ST18: variants seen among roughly 807,000 people sequenced by gnomAD.
The protein encoded by ST18 is ST18 C2H2C-type zinc finger transcription factor, also known as suppression of tumorigenicity 18 protein.
ST18 carries 50 observed loss-of-function variants against 110.0 expected under a neutral mutation model. The ratio of observed to expected loss-of-function variants is 0.45; its 90% CI spans 0.36 to 0.58. The LOEUF is 0.58. Ranked by LOEUF, ST18 falls within the 20% of genes least tolerant of loss-of-function variation. The probability of loss-of-function intolerance (pLI) is 0.00; values close to 1 mark genes in which losing one functional copy is unlikely to be tolerated. For missense variants in ST18, 1,306 were observed against 1,280.1 expected (o/e 1.02, Z -0.31); for synonymous variants, 461 against 452.4 (o/e 1.02, Z -0.24).
At chr8:52,167,123 C>G in intron 10 of ST18, 137 bp from the exon 11 acceptor site, 1 of 1,220,868 alleles carries the variant, frequency 8.2e-7, no homozygotes, top group African/African-American at 1.5e-5. Context: ...TCGCCTTGAA[C>G]AAGACCCTCA....
At chr8:52,189,752 G>T (rs1342038060) in intron 8 of ST18, among the ~76,000 whole-genome samples, 1 of 152,158 alleles carries the variant, frequency 6.6e-6, no homozygotes, top group Non-Finnish European at 1.5e-5. Flanking sequence ...GCTTCATCAT[G>T]GCCCTTTGAT....
In ST18 at chr8:52,348,682, T is replaced by C. The variant is rs144387997; in HGVS notation, c.-465+60646A>G. Among the ~76,000 whole-genome samples, 588 of 152,244 alleles carry C rather than the reference T, an allele frequency of 3.9e-3. 3 individuals are homozygous for C. Among genetic ancestry groups the C allele is most frequent in the African/African-American group, 0.014 (575 of 41,536 alleles). On this transcript the variant is annotated intron_variant, in intron 2 of 25. Coordinates refer to ENST00000689386, the MANE Select transcript of ST18 (RefSeq NM_001352837.2). The stretch of plus-strand genomic sequence containing the variant: ...TTGCTTGAACCCGGGAGGCAGAGGT[T>C]GCAGTGAGCCGAGATCGTGCCATTG...
intron 2 of ST18, among the ~76,000 whole-genome samples, chr8:52,372,627 T>C (rs541603918): frequency 8.7e-4 from 133 of 152,330 alleles, no homozygotes; most frequent in African/African-American, 3.1e-3. Flanking sequence ...CTTTTCCATG[T>C]TTAAATATGT....
At chr8:52,171,746 C>G (rs538798573) in intron 10 of ST18, 46 bp downstream of exon 10, 2 of 1,584,938 alleles carry the variant, frequency 1.3e-6, no homozygotes, top group Admixed American at 1.8e-5. Context: ...TTTTTCAAAC[C>G]CTAATGCACT....
intron 2 of ST18, among the ~76,000 whole-genome samples, chr8:52,400,489 T>C (rs1022222387): frequency 6.6e-6 from 1 of 152,120 alleles, no homozygotes; most frequent in Admixed American, 6.5e-5. Flanking sequence ...TTTTGTAGAT[T>C]CTTTTTCCTT....
intron 2 of ST18, among the ~76,000 whole-genome samples, chr8:52,395,764 C>G (rs1840890546): frequency 1.3e-5 from 2 of 152,114 alleles, no homozygotes; most frequent in Non-Finnish European, 2.9e-5. Context: ...AAAGCAGTAT[C>G]CTCTACAAAA....
rs1002062907 is a variant in ST18, at chr8:52,195,527, T to G, written c.87-15215A>C. Among the ~76,000 whole-genome samples the G allele has an allele frequency of 6.6e-5, 10 of 152,152 alleles. No individual in the cohort carries two copies. In the South Asian group the frequency reaches 1.4e-3, roughly 22 times the overall value. On this transcript the variant is annotated intron_variant, in intron 8 of 25. Transcript: ENST00000689386. The stretch of plus-strand genomic sequence containing the variant: ...ATAAAAATAAAATTCACTTAGTTTA[T>G]GAATATTTGCCTTACCAAAATCATA...
At chr8:52,142,795 TGTTTAAC>T in intron 17 of ST18, 128 bp downstream of exon 17, 1 of 637,192 alleles carries the variant, frequency 1.6e-6, no homozygotes, top group South Asian at 2.1e-5. Context: ...GTTAGATGCG[TGTTTAAC>T]GTTTAACTGC....
intron 8 of ST18, among the ~76,000 whole-genome samples, chr8:52,184,316 C>T (rs956114294): frequency 2.0e-5 from 3 of 152,208 alleles, no homozygotes; most frequent in African/African-American, 4.8e-5. Flanking sequence ...CATCCAGCGT[C>T]CCCCAGGAAA....
chr8:52,158,761 C>T (rs781306228), intron 15 of ST18, 137 bp downstream of exon 15: 1 of 989,946 alleles, frequency 1.0e-6, no homozygotes, highest in Non-Finnish European at 1.5e-6. Flanking sequence ...TCCTCTGAGC[C>T]TCTTCCTGAG....
intron 2 of ST18, among the ~76,000 whole-genome samples, chr8:52,359,500 G>T (rs1824726335): frequency 6.6e-6 from 1 of 152,120 alleles, no homozygotes; most frequent in South Asian, 2.1e-4. Context: ...TAACTAACGT[G>T]TTGAAAACTT....
chr8:52,333,265 A>G (rs1272838542), intron 2 of ST18, among the ~76,000 whole-genome samples: 1 of 152,012 alleles, frequency 6.6e-6, no homozygotes, highest in African/African-American at 2.4e-5. Context: ...ATAACTAATC[A>G]TTCTACTAAA....
At chr8:52,409,034 A>C (rs1216065017) in intron 2 of ST18, 1 of 152,250 alleles carries the variant, frequency 6.6e-6, no homozygotes, top group Non-Finnish European at 1.5e-5. Context: ...TATTAAATAC[A>C]TTGACTTTTT....
chr8:52,268,071 G>A (rs6990971), intron 2 of ST18, among the ~76,000 whole-genome samples: 8,576 of 152,234 alleles, frequency 0.056, 813 homozygotes, highest in African/African-American at 0.2. Context: ...AGAATAGAAT[G>A]CATTAGGAAT....
Position 52,357,720 on chromosome 8 carries a change from TA to T in ST18, c.-465+51607del, listed in dbSNP as rs1564568802. Among the ~76,000 whole-genome samples, 117 of 71,758 alleles carry T rather than the reference TA, an allele frequency of 1.6e-3. 1 individual carries two copies. Among genetic ancestry groups the T allele is most frequent in the African/African-American group, 0.011 (106 of 9,714 alleles). The allele number at this position is 71,758 out of a possible 152,430, so 47.1% of individuals were successfully genotyped here. Reference sequence around the variant, plus strand: ...ATATATATATATATATATATATATATATATATATATAAAACAGACTCAAAGG... The same window carrying T: ...ATATATATATATATATATATATATATTATATATATAAAACAGACTCAAAGG... On this transcript the variant is annotated intron_variant, in intron 2 of 25. Transcript: ENST00000689386.
chr8:52,222,254 C>T (rs190561632), intron 3 of ST18, among the ~76,000 whole-genome samples: 14 of 152,330 alleles, frequency 9.2e-5, no homozygotes, highest in Admixed American at 8.5e-4. Context: ...TTCGAATAAG[C>T]ACACAGCAGC....
chr8:52,160,298 T>C (rs1189860462), intron 14 of ST18, among the ~76,000 whole-genome samples: 1 of 152,208 alleles, frequency 6.6e-6, no homozygotes, highest in African/African-American at 2.4e-5. Flanking sequence ...TTATTTATGT[T>C]AGTTGGAAGC....
intron 2 of ST18, among the ~76,000 whole-genome samples, chr8:52,348,903 G>T (rs1190975097): frequency 6.6e-6 from 1 of 152,038 alleles, no homozygotes; most frequent in Admixed American, 6.6e-5. Context: ...ATTTTCCAAG[G>T]ATGCAATGTA....
intron 2 of ST18, among the ~76,000 whole-genome samples, chr8:52,296,843 T>C (rs2095644035): frequency 1.3e-5 from 2 of 152,142 alleles, no homozygotes; most frequent in African/African-American, 4.8e-5. Context: ...TGCAGTCTAG[T>C]ACAGGAACTA....
Sources: allele counts gnomAD v4.1 joint callset (sites outside exome capture counted in the v4.1 genomes callset), GRCh38; gene constraint gnomAD v4.1.1; transcripts MANE v1.5; gene names NCBI Gene and HGNC (gene_info 2026-07-23, HGNC 2026-07-21).